The following ZFYVE26 variants were observed in gnomAD, a reference collection of about 807,000 sequenced individuals.
The protein encoded by ZFYVE26 is zinc finger FYVE domain-containing protein 26.
Under a neutral mutation model 276.5 loss-of-function variants are expected in ZFYVE26, and 181 were observed. The observed-to-expected ratio is 0.65, with a 90% CI of 0.58 to 0.74. ZFYVE26 has a LOEUF of 0.74. ZFYVE26 is among the 30% of genes least tolerant of loss of function. The pLI is 0.00. For synonymous variants in ZFYVE26, 1,129 were observed against 1,203.1 expected, an observed-to-expected ratio of 0.94 and a Z score of 1.27; for missense variants, 2,821 against 3,097.9, an observed-to-expected ratio of 0.91 and a Z score of 2.12.
chr14:67,776,063 T>G lies in ZFYVE26; in HGVS notation c.5018A>C (p.His1673Pro), dbSNP rs766855281. 7 of 1,614,162 alleles carry G rather than the reference T, an allele frequency of 4.3e-6. No homozygotes were observed. The Admixed American group carries it at 1.2e-4, about 27-fold the overall frequency. Reference sequence around the variant, plus strand: ...CATGAACAGGGGGTTAGAGGACAAGTGGGAATAGCTGGCCCGGTGCTGCTC... The same window carrying G: ...CATGAACAGGGGGTTAGAGGACAAGGGGGAATAGCTGGCCCGGTGCTGCTC... ...LPEQHRASYS[H>P]LSSNPLFMLE... is the part of the protein sequence containing the mutation. The change falls in exon 26 of 42, where the codon CAC becomes CCC. Residue 1673 changes from histidine to proline, a missense_variant. Physicochemically the swap from His to Pro is moderately conservative, Grantham distance 77 (BLOSUM62 -2). Coordinates refer to ENST00000347230, the MANE Select transcript of ZFYVE26 (RefSeq NM_015346.4).
chr14:67,758,887 A>G (rs1219481094), intron 35 of ZFYVE26, among the ~76,000 whole-genome samples: 1 of 152,080 alleles, frequency 6.6e-6, no homozygotes, highest in African/African-American at 2.4e-5. Context: ...CACCTGCCTC[A>G]GCCTCCCAAT....
At chr14:67,729,079 G>T in intron 14 of ZFYVE26, 1 of 1,082,950 alleles carries the variant, frequency 9.2e-7, no homozygotes, top group East Asian at 2.3e-5. Flanking sequence ...TGAATCCTGG[G>T]GTTATGTTTC....
intron 32 of ZFYVE26, among the ~76,000 whole-genome samples, chr14:67,764,481 G>A (rs183712873): frequency 1.6e-4 from 24 of 152,276 alleles, no homozygotes; most frequent in Admixed American, 1.5e-3. Context: ...AGCCTCTTGA[G>A]TAGCTGGAAT....
chr14:67,753,668 T>C (rs1322817442), intron 39 of ZFYVE26, 39 bp downstream of exon 39: 3 of 1,601,490 alleles, frequency 1.9e-6, no homozygotes, highest in Non-Finnish European at 2.6e-6. Flanking sequence ...GGTCAGGTGC[T>C]GATTGTCCTC....
At chr14:67,792,378 T>C (rs972348733) in intron 14 of ZFYVE26, among the ~76,000 whole-genome samples, 50 of 152,200 alleles carry the variant, frequency 3.3e-4, no homozygotes, top group African/African-American at 1.1e-3. Context: ...TAACTTGTTA[T>C]TAAGTTTAAT....
chr14:67,744,361 T>C (rs1299693187), downstream of ZFYVE26, among the ~76,000 whole-genome samples: 1 of 152,232 alleles, frequency 6.6e-6, no homozygotes, highest in Non-Finnish European at 1.5e-5. Context: ...CTTTAATCAT[T>C]ACTGTTGTTT....
chr14:67,742,502 A>G (rs944091050), downstream of ZFYVE26, among the ~76,000 whole-genome samples: 1 of 152,228 alleles, frequency 6.6e-6, no homozygotes, highest in Admixed American at 6.5e-5. Flanking sequence ...ATTATAGAGA[A>G]GTCCTTTGAT....
chr14:67,765,885 A>G (rs1054002778), intron 32 of ZFYVE26, among the ~76,000 whole-genome samples: 3 of 152,322 alleles, frequency 2.0e-5, no homozygotes, highest in East Asian at 3.9e-4. Context: ...ATTTTCTTTA[A>G]AAGCCAGAAA....
Position 67,805,448 on chromosome 14 carries a change from A to T in ZFYVE26, c.1182+6T>A, listed in dbSNP as rs772026924. 6.8e-6 allele frequency: 11 copies of T among 1,614,146 alleles called. No homozygotes were observed. The highest frequency in any genetic ancestry group is 9.3e-6 in the Non-Finnish European group (11 of 1,180,022). ...AGAGCAGCCTGGGATGCTGAGTGAGAGTTACCTGGGTCCTGTGCAGGGTCT... is the reference window on the plus strand; with the variant it reads ...AGAGCAGCCTGGGATGCTGAGTGAGTGTTACCTGGGTCCTGTGCAGGGTCT... On this transcript the variant is annotated splice_donor_region_variant and intron_variant, in intron 7 of 41. Coordinates refer to ENST00000347230, the MANE Select transcript of ZFYVE26 (RefSeq NM_015346.4).
intron 41 of ZFYVE26, among the ~76,000 whole-genome samples, chr14:67,749,701 GAT>G (rs1180246401): frequency 1.3e-5 from 2 of 152,186 alleles, no homozygotes; most frequent in African/African-American, 4.8e-5. Context: ...ACAGCTAGAT[GAT>G]GTCTGGCATG....
chr14:67,760,864 A>G (rs1003392510), intron 35 of ZFYVE26: 1 of 205,306 alleles, frequency 4.9e-6, no homozygotes, highest in Non-Finnish European at 9.9e-6. Context: ...GAAGAAAAAA[A>G]GGAGAGCATA....
rs777501076 is a variant in ZFYVE26 at position 67,807,403 on chromosome 14, C to G, written c.881G>C (p.Gly294Ala). Reference sequence around the variant, plus strand: ...CAGCAGCAAAGGGAACACACCTTTTCCCGAGGCTGTAGCCCTCGGTGGCTT... The same window carrying G: ...CAGCAGCAAAGGGAACACACCTTTTGCCGAGGCTGTAGCCCTCGGTGGCTT... ...TEKPPRATAS[G>A]KVSPDHLDPE... Residue 294 changes from glycine (G) to alanine (A), a missense_variant, in exon 5 of 42, where the codon GGA becomes GCA. Coordinates refer to ENST00000347230, the MANE Select transcript of ZFYVE26 (RefSeq NM_015346.4). The G allele has an allele frequency of 1.2e-6, 2 of 1,614,104 alleles. No homozygotes were observed. Among genetic ancestry groups the G allele is most frequent in the Non-Finnish European group, 1.7e-6 (2 of 1,179,970 alleles).
chr14:67,743,994 C>T (rs1161539071), downstream of ZFYVE26, among the ~76,000 whole-genome samples: 11 of 152,300 alleles, frequency 7.2e-5, no homozygotes, highest in Non-Finnish European at 5.9e-5. Context: ...GAAAGCATTC[C>T]ACCAAAGAAG....
chr14:67,732,170 C>T (rs900445525), intron 13 of ZFYVE26, among the ~76,000 whole-genome samples: 2 of 150,178 alleles, frequency 1.3e-5, no homozygotes, highest in African/African-American at 4.9e-5. Flanking sequence ...GGTGTGGCGG[C>T]TCATGCCTGT....
Position 67,761,378 on chromosome 14 carries a change from G to A in ZFYVE26, c.6576C>T (p.His2192=), listed in dbSNP as rs2038923824. 6.2e-7 allele frequency: 1 copy of A among 1,612,942 alleles called. No homozygotes were observed. Residue 2192 remains histidine (H), a synonymous_variant, in exon 35 of 42, where the codon CAC becomes CAT. Coordinates refer to ENST00000347230, the MANE Select transcript of ZFYVE26 (RefSeq NM_015346.4). ...RHSCLREALL[H]LLNKESPPEV... ...GTCCATGTCCCACCTTGTTGAGAAG[G>A]TGCAGAAGAGCTTCCCGCAGGCAGC...
chr14:67,792,913 C>CCAA lies in ZFYVE26; in HGVS notation c.2553+694_2553+695insTTG, dbSNP rs369418924. Among the ~76,000 whole-genome samples, 6 of 56,810 alleles carry CCAA rather than the reference C, an allele frequency of 1.1e-4. No individual in the cohort carries two copies. In the East Asian group the frequency reaches 2.9e-3, roughly 27 times the overall value. 37.3% of individuals were successfully genotyped at this position (56,810 alleles called of 152,430 possible). A position where few individuals can be genotyped will look rare whatever the true frequency, so the allele number is the denominator to read the frequency against. On this transcript the variant is annotated intron_variant, in intron 14 of 41. Coordinates refer to ENST00000347230, the MANE Select transcript of ZFYVE26 (RefSeq NM_015346.4). Reference sequence around the variant, plus strand: ...CTGGGTGACAAAAGCAAATCTGTCTCAAAAAAAAAAAAAAAAAAAAAGAAA... The same window carrying CCAA: ...CTGGGTGACAAAAGCAAATCTGTCTCCAAAAAAAAAAAAAAAAAAAAAAAGAAA...
chr14:67,778,268 C>G lies in ZFYVE26; in HGVS notation c.4675-20G>C. On this transcript the variant is annotated intron_variant, in intron 23 of 41. Coordinates refer to ENST00000347230, the MANE Select transcript of ZFYVE26 (RefSeq NM_015346.4). ...ATACTCCTGGAAGGAAACACACATG[C>G]CTTCAACCCCTTTACATGACTGCCT... 2 of 1,614,024 alleles carry G rather than the reference C, an allele frequency of 1.2e-6. No homozygotes were observed. Among genetic ancestry groups the G allele is most frequent in the South Asian group, 1.1e-5 (1 of 91,078 alleles).
At chr14:67,762,944 C>T in intron 32 of ZFYVE26, 125 bp from the exon 33 acceptor site, 3 of 1,394,644 alleles carry the variant, frequency 2.2e-6, no homozygotes, top group Middle Eastern at 2.2e-4. Flanking sequence ...GTTCTGTCAC[C>T]CAGGCTGGAG....
chr14:67,742,009 G>A (rs1227935897), downstream of ZFYVE26, among the ~76,000 whole-genome samples: 1 of 152,176 alleles, frequency 6.6e-6, no homozygotes, highest in African/African-American at 2.4e-5. Context: ...AAGCGCCCAC[G>A]GAGCGGTCCA....
Sources: allele counts gnomAD v4.1 joint callset (sites outside exome capture counted in the v4.1 genomes callset), GRCh38; gene constraint gnomAD v4.1.1; transcripts MANE v1.5; gene names NCBI Gene and HGNC (gene_info 2026-07-23, HGNC 2026-07-21).